The following FOXO3 variants were observed in gnomAD, a reference collection of about 807,000 sequenced individuals.
FOXO3 encodes forkhead box O3, also known as forkhead box protein O3.
Under a neutral mutation model 41.9 loss-of-function variants are expected in FOXO3, and 4 were observed. The ratio of observed to expected loss-of-function variants is 0.10; its 90% CI spans 0.05 to 0.22. The LOEUF is 0.22. FOXO3 is among the 10% of genes least tolerant of loss of function. The probability of loss-of-function intolerance (pLI) is 1.00; values close to 1 mark genes in which losing one functional copy is unlikely to be tolerated. For synonymous variants in FOXO3, 318 were observed against 389.3 expected (o/e 0.82, Z 2.16); for missense variants, 534 against 906.8 (o/e 0.59, Z 5.28).
intron 1 of FOXO3, among the ~76,000 whole-genome samples, chr6:108,651,857 C>T (rs1164924627): frequency 6.6e-6 from 1 of 152,204 alleles, no homozygotes; most frequent in Non-Finnish European, 1.5e-5. Context: ...ATCCTGATCA[C>T]GTCGTCAGTT....
chr6:108,655,837 A>T (rs1397655111), intron 1 of FOXO3, among the ~76,000 whole-genome samples: 1 of 152,152 alleles, frequency 6.6e-6, no homozygotes, highest in Non-Finnish European at 1.5e-5. Context: ...AACCTTTGTC[A>T]TCTGTGGTTC....
upstream of FOXO3, among the ~76,000 whole-genome samples, chr6:108,560,277 A>G (rs895225708): frequency 6.6e-6 from 1 of 152,012 alleles, no homozygotes; most frequent in African/African-American, 2.4e-5. Context: ...TGGAAGATTT[A>G]TGTTCCGACT....
At chr6:108,617,940 T>C (rs1458970943) in intron 1 of FOXO3, 1 of 461,922 alleles carries the variant, frequency 2.2e-6, no homozygotes, top group Non-Finnish European at 4.0e-6. Flanking sequence ...GTTTTCTACT[T>C]GAGAAGGTAA....
chr6:108,605,407 G>A (rs765811264), intron 1 of FOXO3, among the ~76,000 whole-genome samples: 3 of 152,096 alleles, frequency 2.0e-5, no homozygotes, highest in Admixed American at 6.6e-5. Flanking sequence ...GTGAGCCACC[G>A]CGCCCAGTCC....
In FOXO3 at chr6:108,664,882, C is replaced by T. The variant is rs1193402918; in HGVS notation, c.*27C>T. 6.3e-7 allele frequency: 1 copy of T among 1,598,172 alleles called. No homozygotes were observed. The highest frequency in any genetic ancestry group is 1.3e-5 in the African/African-American group (1 of 74,490). On this transcript the variant is annotated 3_prime_UTR_variant, in exon 2 of 3. Coordinates refer to ENST00000406360, the MANE Select transcript of FOXO3 (RefSeq NM_001455.4). ...GGATCACTGAGGAAGGGGAAGTGGG[C>T]AAAGCAGGTCAGTGCCGAATGCTAT...
At chr6:108,590,901 T>C (rs1776716300) in intron 1 of FOXO3, among the ~76,000 whole-genome samples, 1 of 152,182 alleles carries the variant, frequency 6.6e-6, no homozygotes, top group Non-Finnish European at 1.5e-5. Context: ...TTAGAGCTCA[T>C]CCTAGCTCAG....
At chr6:108,608,298 C>T (rs1462690890) in intron 1 of FOXO3, among the ~76,000 whole-genome samples, 1 of 152,190 alleles carries the variant, frequency 6.6e-6, no homozygotes. Flanking sequence ...TTAAGTGACG[C>T]TCTCACTTTA....
chr6:108,600,176 C>T (rs933521170), intron 1 of FOXO3, among the ~76,000 whole-genome samples: 1 of 152,138 alleles, frequency 6.6e-6, no homozygotes, highest in African/African-American at 2.4e-5. Context: ...GTTTGTATTA[C>T]CTGTGAGGAC....
In FOXO3 at chr6:108,664,947, G is replaced by C. The variant is rs922106507; in HGVS notation, c.*34+58G>C. ...AATATGGGGATGAGGGGGGATCTCT[G>C]GGGGAGCCTGTCTTCTCTTTACTTT... On this transcript the variant is annotated intron_variant, in intron 2 of 2. Transcript: ENST00000406360. 7 of 1,484,256 alleles carry C rather than the reference G, an allele frequency of 4.7e-6. No individual in the cohort carries two copies. The African/African-American group carries it at 9.8e-5, about 21-fold the overall frequency. 91.9% of individuals were successfully genotyped at this position (1,484,256 alleles called of 1,614,324 possible).
intron 2 of FOXO3, among the ~76,000 whole-genome samples, chr6:108,676,721 T>C (rs2128392481): frequency 6.6e-6 from 1 of 152,370 alleles, no homozygotes; most frequent in Admixed American, 6.5e-5. Flanking sequence ...CCCAGCTCAG[T>C]AGCTGGGTTT....
chr6:108,588,411 T>G (rs1249331673), intron 1 of FOXO3, among the ~76,000 whole-genome samples: 1 of 152,220 alleles, frequency 6.6e-6, no homozygotes, highest in African/African-American at 2.4e-5. Context: ...ACAATTACAT[T>G]TGTTTAATGA....
chr6:108,669,603 G>A (rs771286024), intron 2 of FOXO3, among the ~76,000 whole-genome samples: 2 of 152,154 alleles, frequency 1.3e-5, no homozygotes, highest in African/African-American at 2.4e-5. Flanking sequence ...AAAAAAAGCC[G>A]AAAGTCTGAA....
chr6:108,627,185 G>T lies in FOXO3; in HGVS notation c.622-36270G>T, dbSNP rs1370045052. ...GACCATTTTCAGACTGTCCTAGTCT[G>T]CCCTCACATATCCCTGGAATGGACA... On this transcript the variant is annotated intron_variant, in intron 1 of 2. Coordinates refer to ENST00000406360, the MANE Select transcript of FOXO3 (RefSeq NM_001455.4). 3.3e-5 allele frequency among the ~76,000 whole-genome samples: 5 copies of T among 152,160 alleles called. No individual in the cohort carries two copies. In the East Asian group the frequency reaches 9.6e-4, roughly 29 times the overall value.
At chr6:108,575,669 A>G (rs781556777) in intron 1 of FOXO3, among the ~76,000 whole-genome samples, 4 of 152,170 alleles carry the variant, frequency 2.6e-5, no homozygotes, top group Admixed American at 1.3e-4. Context: ...TCCGAATTGG[A>G]TACGGGTTTT....
At chr6:108,568,044 A>G (rs1441996819) in intron 1 of FOXO3, among the ~76,000 whole-genome samples, 1 of 149,422 alleles carries the variant, frequency 6.7e-6, no homozygotes, top group South Asian at 2.1e-4. Context: ...GCGAAACTCC[A>G]TCTCAAAAAA....
chr6:108,641,390 A>G (rs1309621990), intron 1 of FOXO3, among the ~76,000 whole-genome samples: 1 of 152,152 alleles, frequency 6.6e-6, no homozygotes, highest in Non-Finnish European at 1.5e-5. Context: ...TTGAATGTTG[A>G]CAAGTTGGTC....
chr6:108,575,312 G>C (rs1776232406), intron 1 of FOXO3, among the ~76,000 whole-genome samples: 2 of 150,718 alleles, frequency 1.3e-5, no homozygotes, highest in Non-Finnish European at 2.9e-5. Flanking sequence ...AGCTTGGGCT[G>C]AGTGATGTTT....
chr6:108,615,876 A>C lies in FOXO3; in HGVS notation c.622-47579A>C, dbSNP rs185128172. ...ATTTGCTGTTAATCCCATCCAGTGT[A>C]TTTTTAAATTTATTTTTCTTTACTA... On this transcript the variant is annotated intron_variant, in intron 1 of 2. Coordinates refer to ENST00000406360, the MANE Select transcript of FOXO3 (RefSeq NM_001455.4). Among the ~76,000 whole-genome samples, 312 of 152,012 alleles carry C rather than the reference A, an allele frequency of 2.1e-3. 3 individuals carry two copies. Among genetic ancestry groups the C allele is most frequent in the Non-Finnish European group, 3.3e-3 (227 of 67,958 alleles).
chr6:108,610,903 A>C (rs1295561175), intron 1 of FOXO3, among the ~76,000 whole-genome samples: 3 of 152,214 alleles, frequency 2.0e-5, no homozygotes, highest in African/African-American at 7.2e-5. Context: ...TTACCAATTT[A>C]AGTATAAAAT....
Sources: gnomAD v4.1 joint callset for allele counts (sites outside exome capture counted in the v4.1 genomes callset) on GRCh38, gnomAD v4.1.1 for gene constraint, MANE v1.5 for transcripts, NCBI Gene and HGNC (gene_info 2026-07-23, HGNC 2026-07-21) for gene names.